C1QTNF3: variants seen among roughly 807,000 people sequenced by gnomAD.
C1QTNF3 encodes the protein complement C1q tumor necrosis factor-related protein 3.
C1QTNF3 carries 26 observed loss-of-function variants against 32.6 expected under a neutral mutation model. The ratio of observed to expected loss-of-function variants is 0.80; its 90% confidence interval spans 0.58 to 1.11. The LOEUF (loss-of-function observed/expected upper bound fraction) is 1.11. Among genes scored for constraint, C1QTNF3 ranks in the 50% least tolerant of loss-of-function variants. The pLI is 0.00. For synonymous variants in C1QTNF3, 155 were observed against 146.0 expected (o/e 1.06, Z -0.44); for missense variants, 362 against 398.2 (o/e 0.91, Z 0.77).
At position 34,022,921 on chromosome 5, in the gene C1QTNF3, T is replaced by C. The variant is rs1754374043; in HGVS notation, c.800+988A>G. Among the ~76,000 whole-genome samples, 3 of 152,240 alleles carry C rather than the reference T, an allele frequency of 2.0e-5. No homozygotes were observed. In the South Asian group the frequency reaches 6.2e-4, roughly 31 times the overall value. Reference sequence around the variant, plus strand: ...CCCAGGCTGGAGTGCAGTGGCGCAATCTCAGCTTACTGCAAGTTCCGCCTC... The same window carrying C: ...CCCAGGCTGGAGTGCAGTGGCGCAACCTCAGCTTACTGCAAGTTCCGCCTC... On this transcript the variant is annotated intron_variant, in intron 5 of 5. Transcript: ENST00000382065.
the C1QTNF3 span, among the ~76,000 whole-genome samples, chr5:34,220,120 C>T: frequency 2.0e-5 from 3 of 152,034 alleles, no homozygotes; most frequent in Non-Finnish European, 4.4e-5. Flanking sequence ...AGTAGTCCTA[C>T]GGTTAACAAG....
the C1QTNF3 span, chr5:34,200,563 C>T: frequency 3.9e-5 from 6 of 152,086 alleles, no homozygotes; most frequent in South Asian, 4.2e-4. Context: ...ATTTCATTCT[C>T]GGAAAAATAT....
At chr5:34,121,215 C>A in the C1QTNF3 span, among the ~76,000 whole-genome samples, 2 of 152,134 alleles carry the variant, frequency 1.3e-5, no homozygotes, top group African/African-American at 4.8e-5. Context: ...TCATTATTAA[C>A]ATGTTTTGTC....
the C1QTNF3 span, among the ~76,000 whole-genome samples, chr5:34,145,628 A>G: frequency 4.7e-5 from 7 of 150,222 alleles, no homozygotes; most frequent in African/African-American, 1.5e-4. Context: ...TTCCTAACTA[A>G]TTTTATGAAA....
the C1QTNF3 span, among the ~76,000 whole-genome samples, chr5:34,117,674 T>C: frequency 6.6e-6 from 1 of 151,800 alleles, no homozygotes; most frequent in Non-Finnish European, 1.5e-5. Flanking sequence ...CAGGTGCCTG[T>C]AATCCGAGCT....
the C1QTNF3 span, among the ~76,000 whole-genome samples, chr5:34,142,429 C>CT: frequency 1.2e-5 from 1 of 82,836 alleles, no homozygotes; most frequent in African/African-American, 5.0e-5. Context: ...GAGACTCCAT[C>CT]TCAAAAAAAA....
chr5:34,165,306 C>A, the C1QTNF3 span: 1 of 152,230 alleles, frequency 6.6e-6, no homozygotes, highest in South Asian at 2.1e-4. Flanking sequence ...CCTGGAACTT[C>A]TCGGCCCGCA....
At chr5:34,159,227 C>T in the C1QTNF3 span, among the ~76,000 whole-genome samples, 2 of 151,942 alleles carry the variant, frequency 1.3e-5, no homozygotes. Context: ...ATGTTGTTTA[C>T]TATGCATTAA....
the C1QTNF3 span, among the ~76,000 whole-genome samples, chr5:34,119,394 G>A: frequency 2.0e-5 from 3 of 152,178 alleles, no homozygotes; most frequent in African/African-American, 7.2e-5. Context: ...GGGACATAGT[G>A]CCATAGAGAT....
the C1QTNF3 span, among the ~76,000 whole-genome samples, chr5:34,153,853 T>TAATTAAAAAA: frequency 3.0e-5 from 1 of 32,940 alleles, no homozygotes; most frequent in Non-Finnish European, 6.9e-5. Context: ...ACTTAGAGTA[T>TAATTAAAAAA]AAAAAAAAAA....
chr5:34,048,695 A>G, the C1QTNF3 span, among the ~76,000 whole-genome samples: 1 of 152,098 alleles, frequency 6.6e-6, no homozygotes, highest in Non-Finnish European at 1.5e-5. Context: ...CAAGCCAAAA[A>G]AAAAAAAAAG....
chr5:34,122,257 G>A, the C1QTNF3 span, among the ~76,000 whole-genome samples: 1 of 152,040 alleles, frequency 6.6e-6, no homozygotes, highest in East Asian at 1.9e-4. Flanking sequence ...TCTGGTGTGA[G>A]CTCTGAAGGA....
the C1QTNF3 span, among the ~76,000 whole-genome samples, chr5:34,120,693 T>C: frequency 6.6e-6 from 1 of 152,154 alleles, no homozygotes; most frequent in Non-Finnish European, 1.5e-5. Context: ...GTGAACAAGT[T>C]CTCTTCTTTT....
chr5:34,147,258 C>T, the C1QTNF3 span, among the ~76,000 whole-genome samples: 2 of 152,146 alleles, frequency 1.3e-5, no homozygotes, highest in African/African-American at 4.8e-5. Context: ...GGAGATTTCT[C>T]AAAGAACTTA....
the C1QTNF3 span, among the ~76,000 whole-genome samples, chr5:34,211,860 A>G: frequency 6.6e-6 from 1 of 152,048 alleles, no homozygotes; most frequent in Non-Finnish European, 1.5e-5. Flanking sequence ...TGCCATCCCC[A>G]TCAAGCTACC....
the C1QTNF3 span, among the ~76,000 whole-genome samples, chr5:34,112,016 A>C: frequency 6.6e-6 from 1 of 152,188 alleles, no homozygotes; most frequent in African/African-American, 2.4e-5. Context: ...TACTTGTGTA[A>C]ATGTAACATA....
chr5:34,070,407 T>A, the C1QTNF3 span, among the ~76,000 whole-genome samples: 57 of 152,322 alleles, frequency 3.7e-4, no homozygotes, highest in South Asian at 0.012. Flanking sequence ...AGAGAGTAAA[T>A]TCTCTTAACA....
chr5:34,177,441 C>T, the C1QTNF3 span, among the ~76,000 whole-genome samples: 1 of 149,856 alleles, frequency 6.7e-6, no homozygotes, highest in Non-Finnish European at 1.5e-5. Flanking sequence ...CTCAGCCTCC[C>T]AAGTAGCTGG....
the C1QTNF3 span, among the ~76,000 whole-genome samples, chr5:34,060,346 A>G: frequency 6.6e-6 from 1 of 152,232 alleles, no homozygotes; most frequent in Non-Finnish European, 1.5e-5. Context: ...ACTATAGCCT[A>G]TTGCTTCTAG....
Sources: gnomAD v4.1 joint callset for allele counts (sites outside exome capture counted in the v4.1 genomes callset) on GRCh38, gnomAD v4.1.1 for gene constraint, MANE v1.5 for transcripts, NCBI Gene and HGNC (gene_info 2026-07-23, HGNC 2026-07-21) for gene names.